Variants in TMEM132D observed in about 807,000 individuals in gnomAD.
TMEM132D encodes mature OL transmembrane protein.
TMEM132D carries 21 observed loss-of-function variants against 62.3 expected under a neutral mutation model. The observed-to-expected ratio is 0.34, with a 90% confidence interval of 0.24 to 0.49. The LOEUF (loss-of-function observed/expected upper bound fraction) is 0.49. Ranked by LOEUF, TMEM132D falls within the 20% of genes least tolerant of loss-of-function variation. The pLI, the probability that TMEM132D is intolerant of heterozygous loss-of-function variation, is 0.99. For synonymous variants in TMEM132D, 621 were observed against 575.6 expected (o/e 1.08, Z -1.13); for missense variants, 1,346 against 1,402.8 (o/e 0.96, Z 0.65).
At chr12:129,364,154 G>A (rs1012878604) in intron 3 of TMEM132D, among the ~76,000 whole-genome samples, 1 of 152,190 alleles carries the variant, frequency 6.6e-6, no homozygotes, top group Admixed American at 6.5e-5. Context: ...TTGAGTAAAT[G>A]GACTTTAGAG....
At chr12:129,150,648 G>A (rs1292554414) in intron 5 of TMEM132D, among the ~76,000 whole-genome samples, 1 of 152,204 alleles carries the variant, frequency 6.6e-6, no homozygotes, top group East Asian at 1.9e-4. Flanking sequence ...TGATCCCAGA[G>A]CTTGTGCTCC....
chr12:129,490,574 G>C (rs1374855083), intron 3 of TMEM132D, among the ~76,000 whole-genome samples: 2 of 138,076 alleles, frequency 1.4e-5, no homozygotes, highest in Non-Finnish European at 3.0e-5. Context: ...GACTACAGGC[G>C]CCCGCCCACC....
At chr12:129,218,428 C>T (rs922041762) in intron 4 of TMEM132D, among the ~76,000 whole-genome samples, 1 of 152,166 alleles carries the variant, frequency 6.6e-6, no homozygotes, top group East Asian at 1.9e-4. Context: ...TGTTCCTGGG[C>T]TACACATCTG....
intron 3 of TMEM132D, among the ~76,000 whole-genome samples, chr12:129,374,275 G>GAA (rs1870715794): frequency 6.6e-6 from 1 of 151,718 alleles, no homozygotes; most frequent in South Asian, 2.1e-4. Flanking sequence ...ACATCAGAGA[G>GAA]AGAGAGAGAG....
At chr12:129,508,975 A>T (rs1875423203) in intron 3 of TMEM132D, among the ~76,000 whole-genome samples, 1 of 152,156 alleles carries the variant, frequency 6.6e-6, no homozygotes, top group African/African-American at 2.4e-5. Context: ...TTGAAAACAT[A>T]GTGTGGGTGA....
At chr12:129,191,017 C>T (rs1878383892) in intron 5 of TMEM132D, among the ~76,000 whole-genome samples, 1 of 152,086 alleles carries the variant, frequency 6.6e-6, no homozygotes. Context: ...CCAGACCCGG[C>T]TCCAGACGCC....
At chr12:129,178,775 C>G (rs989297940) in intron 5 of TMEM132D, among the ~76,000 whole-genome samples, 8 of 152,158 alleles carry the variant, frequency 5.3e-5, no homozygotes, top group Admixed American at 5.2e-4. Context: ...TGTATACATG[C>G]TTTTGCAACC....
intron 3 of TMEM132D, among the ~76,000 whole-genome samples, chr12:129,372,462 T>TTAGAGGCCACATGG (rs1870640207): frequency 2.6e-5 from 4 of 152,168 alleles, no homozygotes; most frequent in Non-Finnish European, 5.9e-5. Flanking sequence ...AGCAGTGGCA[T>TTAGAGGCCACATGG]TAGAGGCCAC....
chr12:129,342,456 T>G (rs1869527466), intron 3 of TMEM132D, among the ~76,000 whole-genome samples: 1 of 151,606 alleles, frequency 6.6e-6, no homozygotes, highest in South Asian at 2.1e-4. Flanking sequence ...ATGTTAGACC[T>G]AAAACCATAA....
chr12:129,764,863 C>T (rs1182739868), intron 1 of TMEM132D, among the ~76,000 whole-genome samples: 1 of 151,934 alleles, frequency 6.6e-6, no homozygotes, highest in Non-Finnish European at 1.5e-5. Flanking sequence ...ATCGCTTGAG[C>T]CTGGGAGGTT....
chr12:129,660,784 C>T (rs1880219110), intron 2 of TMEM132D, among the ~76,000 whole-genome samples: 1 of 151,998 alleles, frequency 6.6e-6, no homozygotes, highest in Admixed American at 6.6e-5. Flanking sequence ...AAGAGGCACA[C>T]CTAAGGGATT....
At position 129,462,721 on chromosome 12, in the gene TMEM132D, C is replaced by A. The variant is rs532570946; in HGVS notation, c.1115+68338G>T. On this transcript the variant is annotated intron_variant, in intron 3 of 8. Coordinates refer to ENST00000422113, the MANE Select transcript of TMEM132D (RefSeq NM_133448.3). ...GGCTCTGGCAATTAAGTTTTGGCTA[C>A]CCTTGGGATATGGTAGTAAATAATT... Among the ~76,000 whole-genome samples, 16 of 152,236 alleles carry A rather than the reference C, an allele frequency of 1.1e-4. No individual in the cohort carries two copies. In the South Asian group the frequency reaches 3.1e-3, roughly 30 times the overall value.
intron 1 of TMEM132D, among the ~76,000 whole-genome samples, chr12:129,719,256 C>T (rs1868721528): frequency 6.6e-6 from 1 of 151,844 alleles, no homozygotes; most frequent in Admixed American, 6.6e-5. Context: ...GAGACCCTGT[C>T]TCAAAAAAAC....
intron 4 of TMEM132D, among the ~76,000 whole-genome samples, chr12:129,330,034 T>C (rs974470692): frequency 1.3e-5 from 2 of 152,176 alleles, no homozygotes; most frequent in Non-Finnish European, 1.5e-5. Flanking sequence ...ATGGAAATTT[T>C]CTACCGAATC....
chr12:129,360,012 A>AC (rs201842463), intron 3 of TMEM132D, among the ~76,000 whole-genome samples: 250 of 150,840 alleles, frequency 1.7e-3, no homozygotes, highest in Non-Finnish European at 2.7e-3. Flanking sequence ...AAAAAAAAAA[A>AC]CCCCATTTTT....
chr12:129,237,865 A>G (rs34017628), intron 4 of TMEM132D, among the ~76,000 whole-genome samples: 53,975 of 152,022 alleles, frequency 0.36, 10,694 homozygotes, highest in Non-Finnish European at 0.46. Context: ...CTGTAATCCC[A>G]GCTACTTGGG....
At chr12:129,832,824 C>T (rs1431828714) in intron 1 of TMEM132D, among the ~76,000 whole-genome samples, 1 of 152,208 alleles carries the variant, frequency 6.6e-6, no homozygotes, top group African/African-American at 2.4e-5. Flanking sequence ...CCTTCAAAGG[C>T]ACCGTCTCCA....
At chr12:129,632,608 C>G (rs1258126770) in intron 2 of TMEM132D, among the ~76,000 whole-genome samples, 1 of 152,204 alleles carries the variant, frequency 6.6e-6, no homozygotes, top group Non-Finnish European at 1.5e-5. Flanking sequence ...GCTGTCCGCT[C>G]TGAGCACTTT....
At chr12:129,517,284 G>A (rs1875710642) in intron 3 of TMEM132D, among the ~76,000 whole-genome samples, 1 of 152,114 alleles carries the variant, frequency 6.6e-6, no homozygotes, top group African/African-American at 2.4e-5. Flanking sequence ...CTTAGCATTA[G>A]GAGAATCAAG....
Sources: allele counts gnomAD v4.1 joint callset (sites outside exome capture counted in the v4.1 genomes callset), GRCh38; gene constraint gnomAD v4.1.1; transcripts MANE v1.5; gene names NCBI Gene and HGNC (gene_info 2026-07-23, HGNC 2026-07-21).